The following PRKG1 variants were observed in gnomAD, a reference collection of about 807,000 sequenced individuals.
The protein encoded by PRKG1 is protein kinase cGMP-dependent 1.
Under a neutral mutation model 88.1 loss-of-function variants are expected in PRKG1, and 35 were observed. The observed-to-expected ratio is 0.40, with a 90% confidence interval of 0.30 to 0.53. The LOEUF is 0.53. Ranked by LOEUF, PRKG1 falls within the 20% of genes least tolerant of loss-of-function variation. The pLI, the probability that PRKG1 is intolerant of heterozygous loss-of-function variation, is 0.59. For missense variants in PRKG1, 540 were observed against 839.8 expected (o/e 0.64, Z 4.41); for synonymous variants, 303 against 292.5 (o/e 1.04, Z -0.37).
intron 9 of PRKG1, among the ~76,000 whole-genome samples, chr10:52,233,000 C>T (rs1410448784): frequency 6.6e-6 from 1 of 152,142 alleles, no homozygotes; most frequent in African/African-American, 2.4e-5. Flanking sequence ...GGACATTGAA[C>T]ATCCCCATTG....
At chr10:51,001,733 A>G (rs536800594) in intron 1 of PRKG1, among the ~76,000 whole-genome samples, 1 of 152,272 alleles carries the variant, frequency 6.6e-6, no homozygotes, top group Non-Finnish European at 1.5e-5. Context: ...AAAAACAACA[A>G]AAAAGAGGTG....
intron 3 of PRKG1, among the ~76,000 whole-genome samples, chr10:51,797,502 A>G (rs1269828928): frequency 6.8e-6 from 1 of 146,410 alleles, no homozygotes; most frequent in African/African-American, 2.5e-5. Context: ...TACATTATAT[A>G]TAAATATAGA....
At chr10:52,062,385 T>C (rs1293665716) in intron 6 of PRKG1, 152 bp from the exon 7 acceptor site, 2 of 416,166 alleles carry the variant, frequency 4.8e-6, no homozygotes, top group Non-Finnish European at 8.5e-6. Flanking sequence ...ATTTGTGATG[T>C]TGTTCTTTGG....
At chr10:52,249,679 T>A (rs998376681) in intron 9 of PRKG1, among the ~76,000 whole-genome samples, 2 of 152,014 alleles carry the variant, frequency 1.3e-5, no homozygotes, top group African/African-American at 4.8e-5. Context: ...GTTTGTTAGC[T>A]GGGCGTAGTG....
At chr10:51,539,081 T>C (rs1362356022) in intron 3 of PRKG1, among the ~76,000 whole-genome samples, 3 of 152,134 alleles carry the variant, frequency 2.0e-5, no homozygotes, top group Admixed American at 2.0e-4. Flanking sequence ...ATTTTATCTG[T>C]CTTGGGTTGC....
chr10:52,242,563 C>A (rs1840894729), intron 9 of PRKG1, among the ~76,000 whole-genome samples: 1 of 152,126 alleles, frequency 6.6e-6, no homozygotes. Context: ...ACCTTGAATT[C>A]TTTTCTGGCC....
intron 8 of PRKG1, among the ~76,000 whole-genome samples, chr10:52,141,587 G>C (rs1837583081): frequency 6.6e-6 from 1 of 152,066 alleles, no homozygotes; most frequent in Non-Finnish European, 1.5e-5. Context: ...TTCCATCTCT[G>C]TTATATGGAT....
intron 2 of PRKG1, among the ~76,000 whole-genome samples, chr10:51,359,746 A>G (rs2132583983): frequency 6.6e-6 from 1 of 152,074 alleles, no homozygotes; most frequent in Admixed American, 6.6e-5. Context: ...GGCATAAAGT[A>G]TGAGGCAGGT....
intron 1 of PRKG1, among the ~76,000 whole-genome samples, chr10:51,092,482 G>A (rs780044585): frequency 3.3e-5 from 5 of 152,176 alleles, no homozygotes; most frequent in Non-Finnish European, 5.9e-5. Flanking sequence ...AACTGATTTA[G>A]GTGGCTGAAG....
At chr10:51,131,595 C>T (rs1257561386) in intron 1 of PRKG1, among the ~76,000 whole-genome samples, 3 of 152,262 alleles carry the variant, frequency 2.0e-5, no homozygotes, top group African/African-American at 7.2e-5. Flanking sequence ...TACATACATA[C>T]ATACGTGCAT....
At chr10:52,137,083 T>C (rs1837445240) in intron 8 of PRKG1, among the ~76,000 whole-genome samples, 1 of 152,084 alleles carries the variant, frequency 6.6e-6, no homozygotes, top group Non-Finnish European at 1.5e-5. Context: ...CTTCATCCCA[T>C]GCAAACAGAT....
intron 9 of PRKG1, chr10:52,185,143 G>T (rs927616369): frequency 6.6e-6 from 1 of 152,130 alleles, no homozygotes; most frequent in Non-Finnish European, 1.5e-5. Context: ...TCTGAGAGTT[G>T]TCTTCTTCCA....
chr10:52,034,896 G>A (rs866589568), intron 5 of PRKG1, among the ~76,000 whole-genome samples: 5 of 152,280 alleles, frequency 3.3e-5, no homozygotes, highest in African/African-American at 9.6e-5. Flanking sequence ...CCGAGGACAG[G>A]CCTGAATTCT....
chr10:51,920,328 T>A (rs1318937218), intron 5 of PRKG1, among the ~76,000 whole-genome samples: 1 of 152,170 alleles, frequency 6.6e-6, no homozygotes, highest in East Asian at 1.9e-4. Flanking sequence ...GTAGAAGTTG[T>A]TGATTTTCCA....
Position 51,175,997 on chromosome 10 carries a change from C to T in PRKG1, c.478+22667C>T, listed in dbSNP as rs144493802. Among the ~76,000 whole-genome samples, 202 of 152,042 alleles carry T rather than the reference C, an allele frequency of 1.3e-3. 1 individual carries two copies. The highest frequency in any genetic ancestry group is 3.9e-3 in the African/African-American group (161 of 41,510). ...AGTAATATATCAAGAAATAGAAGTACAGTTTAAGAAAGATGGGACAATTAA... is the reference window on the plus strand; with the variant it reads ...AGTAATATATCAAGAAATAGAAGTATAGTTTAAGAAAGATGGGACAATTAA... On this transcript the variant is annotated intron_variant, in intron 2 of 17. Transcript: ENST00000373980.
chr10:51,730,460 G>A (rs1005677310), intron 3 of PRKG1, among the ~76,000 whole-genome samples: 1 of 152,214 alleles, frequency 6.6e-6, no homozygotes, highest in African/African-American at 2.4e-5. Flanking sequence ...CTTTACTCAT[G>A]TGAAGTGGGA....
chr10:51,852,186 G>A (rs1028765338), intron 4 of PRKG1, among the ~76,000 whole-genome samples: 7 of 145,992 alleles, frequency 4.8e-5, no homozygotes, highest in African/African-American at 1.0e-4. Context: ...ATATATATAA[G>A]TTTAGGCAAA....
chr10:51,989,193 G>A (rs912376413), intron 5 of PRKG1, among the ~76,000 whole-genome samples: 1 of 151,998 alleles, frequency 6.6e-6, no homozygotes, highest in Non-Finnish European at 1.5e-5. Flanking sequence ...TGAATCATAG[G>A]GTATGTTATC....
chr10:52,143,196 C>T (rs953149319), intron 8 of PRKG1, among the ~76,000 whole-genome samples: 13 of 152,146 alleles, frequency 8.5e-5, no homozygotes, highest in African/African-American at 3.1e-4. Flanking sequence ...CCAGTGAAGA[C>T]ACCTCCCTTC....
Sources: allele counts gnomAD v4.1 joint callset (sites outside exome capture counted in the v4.1 genomes callset), GRCh38; gene constraint gnomAD v4.1.1; transcripts MANE v1.5; gene names NCBI Gene and HGNC (gene_info 2026-07-23, HGNC 2026-07-21).